The following KCNN2 variants were observed in gnomAD, a reference collection of about 807,000 sequenced individuals.
KCNN2 encodes small conductance calcium-activated potassium channel protein 2.
In KCNN2, 24 loss-of-function variants were observed where a neutral mutation model predicts 55.5. The ratio of observed to expected loss-of-function variants is 0.43; its 90% CI spans 0.31 to 0.61. The LOEUF (loss-of-function observed/expected upper bound fraction) is 0.61, where lower values mean the gene tolerates loss of function less well. Ranked by LOEUF, KCNN2 falls within the 20% of genes least tolerant of loss-of-function variation. KCNN2 has a pLI of 0.08. For missense variants in KCNN2, 754 were observed against 853.6 expected, an observed-to-expected ratio of 0.88 and a Z score of 1.45; for synonymous variants, 431 against 336.1, an observed-to-expected ratio of 1.28 and a Z score of -3.09.
At chr5:114,159,793 A>G (rs1372913046) in intron 1 of KCNN2, among the ~76,000 whole-genome samples, 1 of 152,118 alleles carries the variant, frequency 6.6e-6, no homozygotes, top group African/African-American at 2.4e-5. Context: ...ATTTGCGTAG[A>G]GGTGTTTATA....
At chr5:114,147,130 C>T (rs984414462) in intron 1 of KCNN2, among the ~76,000 whole-genome samples, 54 of 152,098 alleles carry the variant, frequency 3.6e-4, no homozygotes, top group Admixed American at 6.6e-4. Context: ...TTTGGTCTTA[C>T]GTACACTGCC....
In KCNN2 at chr5:114,058,440, G is replaced by T. The variant is rs118016363; in HGVS notation, c.-271+1940G>T. 2.3e-3 allele frequency among the ~76,000 whole-genome samples: 346 copies of T among 152,248 alleles called. 5 individuals carry two copies. The East Asian group carries it at 0.034, about 15-fold the overall frequency. ...TCACAATTGAGTTTTGGCTGGTAAG[G>T]CCAGGTATGCTTGTTACGTTATTAA... On this transcript the variant is annotated intron_variant, in intron 1 of 10. Transcript: ENST00000512097.
At chr5:114,122,845 TG>T (rs1360562035) in intron 1 of KCNN2, among the ~76,000 whole-genome samples, 8 of 152,206 alleles carry the variant, frequency 5.3e-5, no homozygotes, top group East Asian at 1.9e-4. Flanking sequence ...ACCCCTGGGA[TG>T]GGAAGTTCTT....
chr5:114,495,808 C>G, intron 7 of KCNN2, 87 bp from the exon 8 acceptor site: 2 of 1,299,956 alleles, frequency 1.5e-6, no homozygotes, highest in Non-Finnish European at 2.2e-6. Flanking sequence ...ATGCCACCAG[C>G]AAGAGACCAG....
intron 3 of KCNN2, among the ~76,000 whole-genome samples, chr5:114,443,453 A>C (rs1760292096): frequency 6.6e-6 from 1 of 152,216 alleles, no homozygotes; most frequent in Non-Finnish European, 1.5e-5. Context: ...CTCATGTAGA[A>C]AGAACTTTAG....
rs1752290060 is a variant in KCNN2 at position 114,141,932 on chromosome 5, T to C, written c.-270-79548T>C. On this transcript the variant is annotated intron_variant, in intron 1 of 10. Coordinates refer to the KCNN2 transcript ENST00000512097. ...CTGTTGGCTGCATAGATGTCTTCTT[T>C]TGAGAAGTGTCTGTTCATATCCTTT... 5.3e-5 allele frequency among the ~76,000 whole-genome samples: 8 copies of C among 152,358 alleles called. 2 individuals carry two copies. The South Asian group carries it at 1.7e-3, about 32-fold the overall frequency.
At chr5:114,468,030 C>A (rs1761536375) in intron 4 of KCNN2, among the ~76,000 whole-genome samples, 1 of 152,092 alleles carries the variant, frequency 6.6e-6, no homozygotes, top group Non-Finnish European at 1.5e-5. Flanking sequence ...TGCCCAGGCC[C>A]AGGCTTAATA....
intron 1 of KCNN2, among the ~76,000 whole-genome samples, chr5:114,192,185 G>T (rs74649320): frequency 0.03 from 4,594 of 152,118 alleles, 239 homozygotes; most frequent in African/African-American, 0.1. Context: ...CTATTATATT[G>T]ACATTACTAA....
Position 114,123,361 on chromosome 5 carries a change from T to A in KCNN2, c.-271+66861T>A, listed in dbSNP as rs372968395. On this transcript the variant is annotated intron_variant, in intron 1 of 10. Coordinates refer to the KCNN2 transcript ENST00000512097. ...AGGTACATTTTCTTAATTTTTTTTTTTTTTTTTTTTTTTTTTTTTGAGACA... is the reference window on the plus strand; with the variant it reads ...AGGTACATTTTCTTAATTTTTTTTTATTTTTTTTTTTTTTTTTTTGAGACA... 2.6e-4 allele frequency among the ~76,000 whole-genome samples: 9 copies of A among 34,910 alleles called. 1 individual carries two copies. The highest frequency in any genetic ancestry group is 2.0e-3 in the African/African-American group (8 of 3,996). The allele number at this position is 34,910 out of a possible 152,430, so 22.9% of individuals were successfully genotyped here. A position where few individuals can be genotyped will look rare whatever the true frequency, so the allele number is the denominator to read the frequency against.
intron 3 of KCNN2, among the ~76,000 whole-genome samples, chr5:114,424,301 C>T (rs1759554553): frequency 1.3e-5 from 2 of 152,154 alleles, no homozygotes; most frequent in African/African-American, 4.8e-5. Context: ...GAGATGAGCA[C>T]ACATCAGAAG....
At position 114,249,889 on chromosome 5, in the gene KCNN2, G is replaced by C. The variant is rs147268959; in HGVS notation, c.-185+28324G>C. Among the ~76,000 whole-genome samples the C allele has an allele frequency of 1.6e-3, 242 of 152,216 alleles. 1 individual carries two copies. Among genetic ancestry groups the C allele is most frequent in the African/African-American group, 5.6e-3 (231 of 41,536 alleles). ...GTAAGGATAAATATGCTGAAATTTA[G>C]TACCCCATGTTATGTTTAGTTACAT... On this transcript the variant is annotated intron_variant, in intron 2 of 10. Transcript: ENST00000512097.
At chr5:114,148,325 C>T (rs1752446880) in intron 1 of KCNN2, among the ~76,000 whole-genome samples, 1 of 152,170 alleles carries the variant, frequency 6.6e-6, no homozygotes, top group Admixed American at 6.5e-5. Flanking sequence ...TTACCATCCT[C>T]CATTTTCCTG....
rs957116217 is a variant in KCNN2 at position 114,262,684 on chromosome 5, T to A, written c.-185+41119T>A. ...TGCTTAGAATAGCAGGTGAAACTTA[T>A]GTTTTTAAAATTTTACTATTGCCAA... On this transcript the variant is annotated intron_variant, in intron 2 of 10. Transcript: ENST00000512097. Among the ~76,000 whole-genome samples the A allele has an allele frequency of 3.3e-5, 5 of 152,240 alleles. No individual in the cohort carries two copies. The East Asian group carries it at 9.6e-4, about 29-fold the overall frequency.
chr5:114,479,253 G>T (rs1355327958), intron 5 of KCNN2, among the ~76,000 whole-genome samples: 1 of 148,566 alleles, frequency 6.7e-6, no homozygotes, highest in East Asian at 2.0e-4. Flanking sequence ...AAACAAAACA[G>T]GGGTGGAAAT....
chr5:114,229,523 A>G (rs1657960262), intron 2 of KCNN2, among the ~76,000 whole-genome samples: 1 of 152,102 alleles, frequency 6.6e-6, no homozygotes, highest in Middle Eastern at 3.4e-3. Context: ...TCCTTAAAAA[A>G]TTCTGTTTGT....
intron 2 of KCNN2, among the ~76,000 whole-genome samples, chr5:114,307,573 C>T (rs561106353): frequency 2.0e-5 from 3 of 152,210 alleles, no homozygotes; most frequent in Admixed American, 6.5e-5. Flanking sequence ...AAACTGTGTC[C>T]TATAGGAGAC....
chr5:114,214,311 G>T (rs182046619), intron 1 of KCNN2, among the ~76,000 whole-genome samples: 104 of 151,998 alleles, frequency 6.8e-4, no homozygotes, highest in Non-Finnish European at 8.1e-4. Context: ...GTTTACACAA[G>T]TAGATGACGG....
At chr5:114,098,735 T>C (rs2721304) in intron 1 of KCNN2, among the ~76,000 whole-genome samples, 32,644 of 152,170 alleles carry the variant, frequency 0.21, 3,785 homozygotes, top group African/African-American at 0.29. Context: ...AGAAAGGTTC[T>C]GTGATGTCAT....
intron 1 of KCNN2, among the ~76,000 whole-genome samples, chr5:114,079,488 T>C (rs1750755462): frequency 1.3e-5 from 2 of 152,194 alleles, no homozygotes; most frequent in South Asian, 4.1e-4. Flanking sequence ...GCTCAAATGC[T>C]AGCTCTTCTC....
Sources: gnomAD v4.1 joint callset for allele counts (sites outside exome capture counted in the v4.1 genomes callset) on GRCh38, gnomAD v4.1.1 for gene constraint, MANE v1.5 for transcripts, NCBI Gene and HGNC (gene_info 2026-07-23, HGNC 2026-07-21) for gene names.